Variants in ARMH1 observed in about 807,000 individuals in gnomAD.
The protein encoded by ARMH1 is armadillo-like helical domain containing protein 1.
Under a neutral mutation model 50.2 loss-of-function variants are expected in ARMH1, and 34 were observed. That is an observed-to-expected ratio of 0.68 (90% confidence interval 0.51 to 0.90). The LOEUF (loss-of-function observed/expected upper bound fraction) is 0.90. ARMH1 is among the 40% of genes least tolerant of loss of function. The pLI is 0.00. For synonymous variants in ARMH1, 221 were observed against 224.2 expected, an observed-to-expected ratio of 0.99 and a Z score of 0.13; for missense variants, 538 against 553.9, an observed-to-expected ratio of 0.97 and a Z score of 0.29.
chr1:44,701,265 A>G, intron 5 of ARMH1, 146 bp downstream of exon 5: 1 of 787,512 alleles, frequency 1.3e-6, no homozygotes, highest in Non-Finnish European at 2.0e-6. Flanking sequence ...TTACTTCCAG[A>G]AGGCCAAGGT....
rs199577287 is a variant in ARMH1 at position 44,697,091 on chromosome 1, G to A, written c.207-11G>A. 5.9e-5 allele frequency: 91 copies of A among 1,545,826 alleles called. No homozygotes were observed. The East Asian group carries it at 1.6e-3, about 28-fold the overall frequency. On this transcript the variant is annotated splice_polypyrimidine_tract_variant and intron_variant, in intron 2 of 11. Coordinates refer to ENST00000535358, the MANE Select transcript of ARMH1 (RefSeq NM_001145636.2). The stretch of plus-strand genomic sequence containing the variant: ...ACCACCCTGAAACTCACTCTTTAAC[G>A]TGTCATACAGCTATATGACTGACTC...
chr1:44,706,354 C>CA (rs1360763186), intron 6 of ARMH1, among the ~76,000 whole-genome samples: 1 of 152,156 alleles, frequency 6.6e-6, no homozygotes, highest in African/African-American at 2.4e-5. Context: ...TTATGGATGT[C>CA]AGAGTAGGCA....
chr1:44,697,242 AC>A, intron 3 of ARMH1, 72 bp downstream of exon 3: 2 of 1,212,360 alleles, frequency 1.6e-6, no homozygotes, highest in Non-Finnish European at 2.4e-6. Flanking sequence ...TGGCATTCAC[AC>A]CACCCAGGGC....
At chr1:44,699,363 C>T (rs1021258143) in intron 4 of ARMH1, among the ~76,000 whole-genome samples, 1 of 151,696 alleles carries the variant, frequency 6.6e-6, no homozygotes, top group East Asian at 1.9e-4. Context: ...AGGTATATGC[C>T]AGGTGCTAGG....
chr1:44,725,111 G>C lies in ARMH1; in HGVS notation c.1129-25G>C, dbSNP rs936953680. The C allele has an allele frequency of 5.8e-6, 9 of 1,551,392 alleles. No homozygotes were observed. The East Asian group carries it at 7.3e-5, about 13-fold the overall frequency. ...TCCAGACTGCCCTGGCACCCCAGCC[G>C]GGTCCCCCTTGCTCCTGTCCTCAGA... On this transcript the variant is annotated intron_variant, in intron 10 of 11. Coordinates refer to ENST00000535358, the MANE Select transcript of ARMH1 (RefSeq NM_001145636.2).
At position 44,677,051 on chromosome 1, in the gene ARMH1, A is replaced by G. The variant is rs1019518000; in HGVS notation, c.-23+2178A>G. 4.6e-5 allele frequency among the ~76,000 whole-genome samples: 7 copies of G among 152,342 alleles called. No individual in the cohort carries two copies. In the South Asian group the frequency reaches 1.0e-3, roughly 23 times the overall value. On this transcript the variant is annotated intron_variant, in intron 1 of 11. Transcript: ENST00000535358. ...GAGGTTAATTGGTGGGTTTGGTGAC[A>G]GGAAGCTGAGGGAATTCTTCGATGG...
intron 6 of ARMH1, chr1:44,721,779 A>C (rs1008987844): frequency 6.6e-6 from 1 of 152,104 alleles, no homozygotes; most frequent in African/African-American, 2.4e-5. Flanking sequence ...TTAGTAACAG[A>C]ACATTCAGCC....
chr1:44,677,355 G>C (rs1446816623), intron 1 of ARMH1, among the ~76,000 whole-genome samples: 1 of 152,202 alleles, frequency 6.6e-6, no homozygotes, highest in African/African-American at 2.4e-5. Context: ...ACAGAGGTTA[G>C]TTTAATTGAT....
In ARMH1 at chr1:44,681,151, T is replaced by C. The variant is rs529422720; in HGVS notation, c.-23+6278T>C. On this transcript the variant is annotated intron_variant, in intron 1 of 11. Transcript: ENST00000535358. This position sits in a 1 kb window ranked among gnomAD's most constrained non-coding sequence, Gnocchi z 4.3. ...CTGGGACTGCAGGCGTCCACCACCA[T>C]GCCCGGCTAACTTTTTGTATTTTTT... 1.3e-5 allele frequency among the ~76,000 whole-genome samples: 2 copies of C among 149,914 alleles called. No homozygotes were observed. The highest frequency in any genetic ancestry group is 2.2e-4 in the South Asian group (1 of 4,528).
At chr1:44,677,969 C>T (rs1477661007) in intron 1 of ARMH1, among the ~76,000 whole-genome samples, 1 of 152,028 alleles carries the variant, frequency 6.6e-6, no homozygotes. Context: ...CAGATTCTAC[C>T]AGGAGGGCCA....
At chr1:44,721,646 T>G (rs1216021863) in intron 6 of ARMH1, 1 of 152,128 alleles carries the variant, frequency 6.6e-6, no homozygotes, top group Non-Finnish European at 1.5e-5. Context: ...GGAGGATTGC[T>G]TGAGCATGGG....
At position 44,725,559 on chromosome 1, in the gene ARMH1, G is replaced by A; in HGVS notation, c.*156G>A. ...AGGGGCAGAGGAAGAGCCGCTGGCTGCGAAGAGTCAATAAACAGCCTTGAT... is the reference window on the plus strand; with the variant it reads ...AGGGGCAGAGGAAGAGCCGCTGGCTACGAAGAGTCAATAAACAGCCTTGAT... On this transcript the variant is annotated 3_prime_UTR_variant, in exon 12 of 12. Coordinates refer to ENST00000535358, the MANE Select transcript of ARMH1 (RefSeq NM_001145636.2). The A allele has an allele frequency of 1.4e-6, 1 of 711,672 alleles. No homozygotes were observed. The highest frequency in any genetic ancestry group is 1.8e-5 in the South Asian group (1 of 54,578). The allele number at this position is 711,672 out of a possible 1,614,324, so 44.1% of individuals were successfully genotyped here.
intron 2 of ARMH1, among the ~76,000 whole-genome samples, chr1:44,690,648 C>T (rs1645630477): frequency 6.6e-6 from 1 of 152,106 alleles, no homozygotes; most frequent in Admixed American, 6.5e-5. Context: ...CCACCCAACC[C>T]CAATTTCTGC....
chr1:44,724,732 C>A lies in ARMH1; in HGVS notation c.1051-30C>A, dbSNP rs1479039846. ...GGCACCCGCAGCCCCGTCGCCCCCG[C>A]AGTCACGCCGCCTCGCCCGCGCGGC... is the stretch of plus-strand genomic sequence containing the variant. On this transcript the variant is annotated intron_variant, in intron 9 of 11. Transcript: ENST00000535358. The surrounding 1 kb of genome is among the most constrained non-coding windows in gnomAD (Gnocchi z 6.4). 4.6e-6 allele frequency: 7 copies of A among 1,512,656 alleles called. No individual in the cohort carries two copies. Among genetic ancestry groups the A allele is most frequent in the African/African-American group, 1.4e-5 (1 of 70,512 alleles). 93.7% of individuals were successfully genotyped at this position (1,512,656 alleles called of 1,614,324 possible). A position where few individuals can be genotyped will look rare whatever the true frequency, so the allele number is the denominator to read the frequency against.
At chr1:44,719,879 C>A (rs1647013140) in intron 6 of ARMH1, among the ~76,000 whole-genome samples, 2 of 152,134 alleles carry the variant, frequency 1.3e-5, no homozygotes. Context: ...AGTATAAGGT[C>A]CTGGCTTCAA....
In ARMH1 at chr1:44,723,768, C is replaced by A. The variant is rs577567936; in HGVS notation, c.725-354C>A. The stretch of plus-strand genomic sequence containing the variant: ...ACCCACTTTCTCTGTCTCCCTCTCA[C>A]CCCTTGTCTTTCTCCATCTTGTCTT... On this transcript the variant is annotated intron_variant, in intron 6 of 11. Coordinates refer to ENST00000535358, the MANE Select transcript of ARMH1 (RefSeq NM_001145636.2). The A allele has an allele frequency of 4.6e-5, 10 of 218,016 alleles. No individual in the cohort carries two copies. The South Asian group carries it at 7.4e-4, about 16-fold the overall frequency. The allele number at this position is 218,016 out of a possible 1,614,324, so 13.5% of individuals were successfully genotyped here.
chr1:44,684,848 G>T (rs1189250666), intron 1 of ARMH1, among the ~76,000 whole-genome samples: 2 of 152,170 alleles, frequency 1.3e-5, no homozygotes, highest in African/African-American at 4.8e-5. Context: ...ATGAGACATA[G>T]AGTTGAAAAC....
chr1:44,703,382 G>A (rs1223895898), intron 5 of ARMH1, among the ~76,000 whole-genome samples: 1 of 152,044 alleles, frequency 6.6e-6, no homozygotes. Context: ...GCACCTGGCT[G>A]TTTGGAAGTC....
chr1:44,700,601 CAG>C (rs1337929245), intron 4 of ARMH1, among the ~76,000 whole-genome samples: 2 of 121,712 alleles, frequency 1.6e-5, no homozygotes, highest in East Asian at 4.7e-4. Context: ...GGGCAACAGA[CAG>C]AGACTCCATC....
Sources: gnomAD v4.1 joint callset for allele counts (sites outside exome capture counted in the v4.1 genomes callset) on GRCh38, gnomAD v4.1.1 for gene constraint, Gnocchi (gnomAD v3.1) non-coding constraint, MANE v1.5 for transcripts, NCBI Gene and HGNC (gene_info 2026-07-23, HGNC 2026-07-21) for gene names.